The following PTGS1 variants were observed in gnomAD, a reference collection of about 807,000 sequenced individuals.
The protein encoded by PTGS1 is prostaglandin G/H synthase 1.
Under a neutral mutation model 63.0 loss-of-function variants are expected in PTGS1, and 40 were observed. The observed-to-expected ratio is 0.63, with a 90% CI of 0.49 to 0.83. PTGS1 has a LOEUF of 0.83. PTGS1 is among the 40% of genes least tolerant of loss of function. PTGS1 has a pLI of 0.00. For missense variants in PTGS1, 709 were observed against 786.5 expected, an observed-to-expected ratio of 0.90 and a Z score of 1.18; for synonymous variants, 298 against 301.9, an observed-to-expected ratio of 0.99 and a Z score of 0.13.
Position 122,377,982 on chromosome 9 carries a change from C to T in PTGS1, c.178C>T (p.Arg60Cys), listed in dbSNP as rs1485800508. The change falls in exon 3 of 11, where the codon CGC becomes TGC. Residue 60 changes from arginine (R) to cysteine (C), a missense_variant. Arg to Cys is a radical substitution (Grantham distance 180). Coordinates refer to ENST00000362012, the MANE Select transcript of PTGS1 (RefSeq NM_000962.4). Reference protein sequence around the residue: ...GLDRYQCDCTRTGYSGPNCTI... With the variant: ...GLDRYQCDCTCTGYSGPNCTI... ...TGACCGCTACCAGTGTGACTGCACCCGCACGGGCTATTCCGGCCCCAACTG... is the reference window on the plus strand; with the variant it reads ...TGACCGCTACCAGTGTGACTGCACCTGCACGGGCTATTCCGGCCCCAACTG... The T allele has an allele frequency of 8.7e-6, 14 of 1,613,672 alleles. No individual in the cohort carries two copies. Among genetic ancestry groups the T allele is most frequent in the African/African-American group, 8.0e-5 (6 of 74,940 alleles).
In PTGS1 at chr9:122,386,646, G is replaced by C. The variant is rs200616613; in HGVS notation, c.1210G>C (p.Glu404Gln). ...GGTGGGCTCCCAGGAGTACAGCTACGAGCAGTTCTTGTTCAACACCTCCAT... is the reference window on the plus strand; with the variant it reads ...GGTGGGCTCCCAGGAGTACAGCTACCAGCAGTTCTTGTTCAACACCTCCAT... ...FKVGSQEYSY[E>Q]QFLFNTSMLV... is the part of the protein sequence containing the mutation. Residue 404 changes from glutamate to glutamine, a missense_variant, in exon 9 of 11, where the codon GAG becomes CAG. Coordinates refer to ENST00000362012, the MANE Select transcript of PTGS1 (RefSeq NM_000962.4). 6.2e-7 allele frequency: 1 copy of C among 1,614,154 alleles called. No homozygotes were observed. Among genetic ancestry groups the C allele is most frequent in the African/African-American group, 1.3e-5 (1 of 75,040 alleles).
At chr9:122,378,068 CG>C (rs1564133182) in intron 3 of PTGS1, 53 bp downstream of exon 3, 2 of 1,511,470 alleles carry the variant, frequency 1.3e-6, no homozygotes, top group East Asian at 4.5e-5. Context: ...TTCTGCTCCC[CG>C]GGCCCTTTCT....
chr9:122,386,336 A>T lies in PTGS1; in HGVS notation c.1010-110A>T, dbSNP rs369084239. 805 of 1,213,672 alleles carry T rather than the reference A, an allele frequency of 6.6e-4. 9 individuals are homozygous for T. In the South Asian group the frequency reaches 0.011, roughly 17 times the overall value. 75.2% of individuals were successfully genotyped at this position (1,213,672 alleles called of 1,614,324 possible). ...AAAATAAACATCAACAGCAACAACA[A>T]CAATAAAGAGACCAAAAGCAAGCAC... On this transcript the variant is annotated intron_variant, in intron 8 of 10. Coordinates refer to ENST00000362012, the MANE Select transcript of PTGS1 (RefSeq NM_000962.4).
intron 2 of PTGS1, among the ~76,000 whole-genome samples, chr9:122,373,279 A>T (rs546133736): frequency 2.0e-4 from 31 of 152,340 alleles, no homozygotes; most frequent in African/African-American, 7.2e-4. Context: ...GGTGGAGTGC[A>T]GGGGCAGAAG....
Position 122,381,490 on chromosome 9 carries a change from C to T in PTGS1, c.616C>T (p.His206Tyr), listed in dbSNP as rs779031650. 3.1e-6 allele frequency: 5 copies of T among 1,614,108 alleles called. No homozygotes were observed. In the African/African-American group the frequency reaches 5.3e-5, roughly 17 times the overall value. ...MFAFFAQHFTHQFFKTSGKMG... is the reference protein window; with the variant it reads ...MFAFFAQHFTYQFFKTSGKMG... ...TGCCTTCTTTGCACAACACTTCACC[C>T]ACCAGTTCTTCAAAACTTCTGGCAA... The change falls in exon 6 of 11, where the codon CAC becomes TAC. Residue 206 changes from histidine (H) to tyrosine (Y), a missense_variant. Physicochemically the swap from His to Tyr is moderately conservative, Grantham distance 83. Transcript: ENST00000362012.
At chr9:122,390,116 A>C in intron 9 of PTGS1, 82 bp from the exon 10 acceptor site, 1 of 1,505,108 alleles carries the variant, frequency 6.6e-7, no homozygotes, top group Non-Finnish European at 8.9e-7. Flanking sequence ...TCCCACTGGA[A>C]GCTCTTGTCC....
At chr9:122,388,135 G>A (rs1442051260) in intron 9 of PTGS1, among the ~76,000 whole-genome samples, 1 of 152,246 alleles carries the variant, frequency 6.6e-6, no homozygotes, top group African/African-American at 2.4e-5. Flanking sequence ...TGATGTACGT[G>A]AAAAGCCCCG....
intron 2 of PTGS1, chr9:122,371,513 C>A: frequency 7.5e-7 from 1 of 1,333,906 alleles, no homozygotes; most frequent in Non-Finnish European, 9.9e-7. Flanking sequence ...CTGGTGCCAA[C>A]TTGGGGAGAA....
Position 122,390,275 on chromosome 9 carries a change from G to A in PTGS1, c.1374G>A (p.Arg458=). 6.2e-7 allele frequency: 1 copy of A among 1,614,190 alleles called. No homozygotes were observed. ...VDVIRESREM[R]LQPFNEYRKR... ...TCATCAGGGAGTCTCGGGAGATGCG[G>A]CTGCAGCCCTTCAATGAGTACCGCA... The change falls in exon 10 of 11, where the codon CGG becomes CGA. Residue 458 remains arginine (R), a synonymous_variant. Transcript: ENST00000362012.
chr9:122,390,341 C>T lies in PTGS1; in HGVS notation c.1440C>T (p.Leu480=), dbSNP rs141224237. ...AACCCTACACCTCCTTCCAGGAGCT[C>T]GTAGGTGAGCAGCTGTTTCCTGGAT... ...GMKPYTSFQE[L]VGEKEMAAEL... The change falls in exon 10 of 11, where the codon CTC becomes CTT. Residue 480 remains leucine (L), a synonymous_variant. Coordinates refer to ENST00000362012, the MANE Select transcript of PTGS1 (RefSeq NM_000962.4). 7.4e-6 allele frequency: 12 copies of T among 1,613,814 alleles called. No homozygotes were observed. The highest frequency in any genetic ancestry group is 2.7e-5 in the African/African-American group (2 of 74,936).
intron 5 of PTGS1, among the ~76,000 whole-genome samples, chr9:122,380,090 AT>A (rs1837418074): frequency 6.6e-6 from 1 of 152,152 alleles, no homozygotes; most frequent in African/African-American, 2.4e-5. Flanking sequence ...TGACACACCT[AT>A]TTTAAGGGGA....
rs201949610 is a variant in PTGS1 at position 122,394,875 on chromosome 9, T to A, written c.*2331T>A. The A allele has an allele frequency of 3.4e-4, 52 of 152,404 alleles. No homozygotes were observed. The highest frequency in any genetic ancestry group is 1.2e-3 in the African/African-American group (50 of 41,572). The allele number at this position is 152,404 out of a possible 1,614,324, so 9.4% of individuals were successfully genotyped here. On this transcript the variant is annotated 3_prime_UTR_variant, in exon 11 of 11. Coordinates refer to ENST00000362012, the MANE Select transcript of PTGS1 (RefSeq NM_000962.4). ...TCCGGTGGCCTATTCCAGGAATTCC[T>A]CTTTTGCTTAAATCAGTTGGAGTTT...
At chr9:122,376,020 G>A (rs1006600302) in intron 2 of PTGS1, among the ~76,000 whole-genome samples, 1 of 152,240 alleles carries the variant, frequency 6.6e-6, no homozygotes. Flanking sequence ...AGCCAGGCCA[G>A]CAGGAGGGGC....
Position 122,392,934 on chromosome 9 carries a change from T to C in PTGS1, c.*390T>C, listed in dbSNP as rs1412598886. On this transcript the variant is annotated 3_prime_UTR_variant, in exon 11 of 11. Transcript: ENST00000362012. ...GCATTCCAGAATCTTGACTTTCTGA[T>C]TGGTGATTCAAAGTGTTGTGTTCCT... 5.6e-6 allele frequency: 1 copy of C among 177,936 alleles called. No individual in the cohort carries two copies. Among genetic ancestry groups the C allele is most frequent in the African/African-American group, 2.4e-5 (1 of 42,494 alleles). 11.0% of individuals were successfully genotyped at this position (177,936 alleles called of 1,614,324 possible).
chr9:122,378,374 C>G (rs1837305509), intron 3 of PTGS1, 59 bp from the exon 4 acceptor site: 1 of 1,605,824 alleles, frequency 6.2e-7, no homozygotes, highest in Non-Finnish European at 8.5e-7. Flanking sequence ...ATCTTCCACC[C>G]TGGCTACTTC....
chr9:122,384,241 T>C (rs1382594450), intron 8 of PTGS1, among the ~76,000 whole-genome samples: 1 of 152,118 alleles, frequency 6.6e-6, no homozygotes, highest in East Asian at 1.9e-4. Context: ...AGGGACAGGA[T>C]ATTTTTGTGT....
At position 122,383,572 on chromosome 9, in the gene PTGS1, CG is replaced by C; in HGVS notation, c.827del (p.Arg276GlnfsTer40). The C allele has an allele frequency of 6.2e-7, 1 of 1,614,092 alleles. No homozygotes were observed. The highest frequency in any genetic ancestry group is 1.3e-5 in the African/African-American group (1 of 75,022). ...EEAPVLMHYPRGIPPQSQMAV... is the reference protein window; with the variant it reads ...EEAPVLMHYPXGIPPQSQMAV... The stretch of plus-strand genomic sequence containing the variant: ...GGCGCCTGTGTTGATGCACTACCCC[CG>C]AGGCATCCCGCCCCAGAGCCAGATG... On this transcript the variant is annotated frameshift_variant, in exon 8 of 11. Transcript: ENST00000362012. LOFTEE classifies it high-confidence loss of function.
intron 2 of PTGS1, chr9:122,372,877 A>G (rs1451219206): frequency 6.6e-6 from 1 of 152,150 alleles, no homozygotes; most frequent in Non-Finnish European, 1.5e-5. Context: ...GGGCCTGGAG[A>G]CACGGAGCTG....
intron 2 of PTGS1, among the ~76,000 whole-genome samples, chr9:122,373,550 C>G (rs996090212): frequency 6.6e-6 from 1 of 152,204 alleles, no homozygotes; most frequent in East Asian, 1.9e-4. Context: ...CCCCTCTAGT[C>G]TCTGGACTTG....
Sources: gnomAD v4.1 joint callset for allele counts (sites outside exome capture counted in the v4.1 genomes callset) on GRCh38, gnomAD v4.1.1 for gene constraint, MANE v1.5 for transcripts, NCBI Gene and HGNC (gene_info 2026-07-23, HGNC 2026-07-21) for gene names.